The following CFAP61 variants were observed in gnomAD, a reference collection of about 807,000 sequenced individuals.
CFAP61 encodes the protein cilia- and flagella-associated protein 61.
Under a neutral mutation model 135.6 loss-of-function variants are expected in CFAP61, and 107 were observed. The observed-to-expected ratio is 0.79, with a 90% CI of 0.67 to 0.93. The LOEUF is 0.93. Ranked by LOEUF, CFAP61 falls within the 40% of genes least tolerant of loss-of-function variation. The pLI is 0.00. For missense variants in CFAP61, 1,507 were observed against 1,556.2 expected (o/e 0.97, Z 0.53); for synonymous variants, 575 against 578.5 (o/e 0.99, Z 0.09).
Position 20,108,225 on chromosome 20 carries a change from A to G in CFAP61, c.859+9411A>G, listed in dbSNP as rs149134402. 1.1e-3 allele frequency among the ~76,000 whole-genome samples: 164 copies of G among 152,288 alleles called. 1 individual carries two copies. The highest frequency in any genetic ancestry group is 3.8e-3 in the African/African-American group (157 of 41,556). On this transcript the variant is annotated intron_variant, in intron 8 of 26. Coordinates refer to ENST00000245957, the MANE Select transcript of CFAP61 (RefSeq NM_015585.4). ...GACTGATATAACATTCTGGAGTACA[A>G]TTTAGTCATGGTTATCACAGAATGC...
rs184423331 is a variant in CFAP61 at position 20,196,003 on chromosome 20, C to A, written c.1591-567C>A. Among the ~76,000 whole-genome samples, 334 of 152,264 alleles carry A rather than the reference C, an allele frequency of 2.2e-3. 3 individuals carry two copies. Among genetic ancestry groups the A allele is most frequent in the Non-Finnish European group, 3.8e-3 (256 of 68,016 alleles). ...GGCTGAGGTGGGAGGATCTCTTGAA[C>A]CCAGGAGGTGAAGGTTGCAGTGAGC... On this transcript the variant is annotated intron_variant, in intron 15 of 26. Coordinates refer to ENST00000245957, the MANE Select transcript of CFAP61 (RefSeq NM_015585.4).
At chr20:20,066,279 A>G (rs938149737) in intron 2 of CFAP61, among the ~76,000 whole-genome samples, 2 of 152,236 alleles carry the variant, frequency 1.3e-5, no homozygotes, top group Non-Finnish European at 2.9e-5. Flanking sequence ...TGATTCCTCA[A>G]GGATCTAGAA....
intron 26 of CFAP61, among the ~76,000 whole-genome samples, chr20:20,344,859 A>G (rs2058574625): frequency 6.6e-6 from 1 of 152,230 alleles, no homozygotes; most frequent in South Asian, 2.1e-4. Context: ...CTAAGCATCC[A>G]ACAAGTGAAT....
At chr20:20,193,450 A>C (rs1225875957) in intron 15 of CFAP61, among the ~76,000 whole-genome samples, 1 of 151,764 alleles carries the variant, frequency 6.6e-6, no homozygotes, top group African/African-American at 2.4e-5. Flanking sequence ...TCTTAGATTT[A>C]TTGCACTTTT....
At chr20:20,301,384 G>A (rs2056084449) in intron 25 of CFAP61, among the ~76,000 whole-genome samples, 2 of 152,164 alleles carry the variant, frequency 1.3e-5, no homozygotes, top group Non-Finnish European at 2.9e-5. Context: ...GACTATCTAG[G>A]TTTGTGTAAG....
At chr20:20,197,328 C>A (rs185714811) in intron 16 of CFAP61, among the ~76,000 whole-genome samples, 3 of 152,166 alleles carry the variant, frequency 2.0e-5, no homozygotes, top group Admixed American at 2.0e-4. Flanking sequence ...TGGTAATAGA[C>A]GCGAATCTGA....
At chr20:20,088,730 C>T (rs370493968) in intron 6 of CFAP61, among the ~76,000 whole-genome samples, 1 of 152,164 alleles carries the variant, frequency 6.6e-6, no homozygotes, top group Non-Finnish European at 1.5e-5. Context: ...TTGTCATCTT[C>T]TGTGTGTGTT....
rs2048885884 is a variant in CFAP61, at chr20:20,228,268, A to G, written c.1952A>G (p.His651Arg). Residue 651 changes from histidine (H) to arginine (R), a missense_variant, in exon 18 of 27, where the codon CAT (histidine) becomes CGT (arginine). By Grantham distance (29) the His-to-Arg change is conservative. Transcript: ENST00000245957. ...SKDPMSYALN[H>R]TNRKLTLEPK... ...TTCCAGATGAGTTATGCTTTAAACCATACAAACAGAAAACTAACATTGGAA... is the reference window on the plus strand; with the variant it reads ...TTCCAGATGAGTTATGCTTTAAACCGTACAAACAGAAAACTAACATTGGAA... 1.2e-6 allele frequency: 2 copies of G among 1,610,958 alleles called. No individual in the cohort carries two copies. The highest frequency in any genetic ancestry group is 2.2e-5 in the East Asian group (1 of 44,816).
chr20:20,232,872 A>G (rs533288352), intron 18 of CFAP61: 5 of 152,212 alleles, frequency 3.3e-5, no homozygotes, highest in Non-Finnish European at 5.9e-5. Context: ...ACTAGAGAGA[A>G]ACACTGATTC....
At position 20,074,361 on chromosome 20, in the gene CFAP61, T is replaced by C. The variant is rs775014845; in HGVS notation, c.354T>C (p.Cys118=). The stretch of plus-strand genomic sequence containing the variant: ...CCGTGGATGAGTATTCTGTTGGCTG[T>C]TGCAAAGAGATTCTTCGGTGAGTGG... ...FVAVDEYSVG[C]CKEILRTVYK... The change falls in exon 4 of 27, where the codon TGT becomes TGC. Residue 118 remains cysteine (C), a synonymous_variant. Transcript: ENST00000245957. 1.9e-6 allele frequency: 3 copies of C among 1,614,124 alleles called. No homozygotes were observed. Among genetic ancestry groups the C allele is most frequent in the Non-Finnish European group, 2.5e-6 (3 of 1,179,958 alleles).
intron 2 of CFAP61, among the ~76,000 whole-genome samples, chr20:20,058,650 G>A (rs1489235515): frequency 6.6e-6 from 1 of 152,302 alleles, no homozygotes; most frequent in African/African-American, 2.4e-5. Context: ...GGGGGATAAA[G>A]TCTCTTCTGA....
At position 20,290,312 on chromosome 20, in the gene CFAP61, C is replaced by T; in HGVS notation, c.3137C>T (p.Pro1046Leu). 3.1e-6 allele frequency: 5 copies of T among 1,612,386 alleles called. No individual in the cohort carries two copies. The highest frequency in any genetic ancestry group is 4.2e-6 in the Non-Finnish European group (5 of 1,178,360). The change falls in exon 24 of 27, where the codon CCT becomes CTT. Residue 1046 changes from proline (P) to leucine (L), a missense_variant. Pro to Leu is a moderately conservative substitution (Grantham distance 98). Coordinates refer to ENST00000245957, the MANE Select transcript of CFAP61 (RefSeq NM_015585.4). ...CCATCTCTTCTAGGGGGCATTCTTC[C>T]TGGGTCTTACCATTATCTGCATATT... ...KGAKIQGGIL[P>L]GSYHYLHIAK...
intron 6 of CFAP61, among the ~76,000 whole-genome samples, chr20:20,080,184 G>A (rs6046599): frequency 0.66 from 99,914 of 151,934 alleles, 33,144 homozygotes; most frequent in East Asian, 0.78. Context: ...TCATTTTTCT[G>A]TGTATGTAAC....
chr20:20,152,217 T>A (rs2052498128), intron 9 of CFAP61, among the ~76,000 whole-genome samples: 1 of 151,970 alleles, frequency 6.6e-6, no homozygotes, highest in Non-Finnish European at 1.5e-5. Flanking sequence ...TAAAAAAAGT[T>A]CTAAATCTTG....
At chr20:20,312,217 C>T (rs2056873234) in intron 25 of CFAP61, among the ~76,000 whole-genome samples, 2 of 152,158 alleles carry the variant, frequency 1.3e-5, no homozygotes, top group Admixed American at 1.3e-4. Flanking sequence ...CCAGAACTGA[C>T]TCAGATGTTA....
At chr20:20,326,158 T>C (rs909255818) in intron 25 of CFAP61, among the ~76,000 whole-genome samples, 11 of 152,222 alleles carry the variant, frequency 7.2e-5, no homozygotes, top group African/African-American at 2.7e-4. Flanking sequence ...TTGCCCATTT[T>C]TAAATTTGGA....
At chr20:20,223,736 A>G (rs1254293203) in intron 17 of CFAP61, among the ~76,000 whole-genome samples, 1 of 152,192 alleles carries the variant, frequency 6.6e-6, no homozygotes, top group Admixed American at 6.5e-5. Context: ...TTTTTTCTAT[A>G]CACACAGAAC....
chr20:20,186,194 C>T (rs1216468541), intron 13 of CFAP61, among the ~76,000 whole-genome samples: 2 of 152,170 alleles, frequency 1.3e-5, no homozygotes. Flanking sequence ...CTCCCCTCAG[C>T]CCCCAACAAT....
intron 8 of CFAP61, chr20:20,107,554 T>C (rs1311259516): frequency 6.6e-6 from 1 of 152,204 alleles, no homozygotes; most frequent in East Asian, 1.9e-4. Context: ...GTAGTGGAGA[T>C]ATATATAGGA....
Sources: allele counts gnomAD v4.1 joint callset (sites outside exome capture counted in the v4.1 genomes callset), GRCh38; gene constraint gnomAD v4.1.1; transcripts MANE v1.5; gene names NCBI Gene and HGNC (gene_info 2026-07-23, HGNC 2026-07-21).